AGAP1: variants seen among roughly 807,000 people sequenced by gnomAD.
AGAP1 encodes the protein ArfGAP with GTPase domain, ankyrin repeat and PH domain 1, also known as arf-GAP with GTPase, ANK repeat and PH domain-containing protein 1.
Under a neutral mutation model 105.3 loss-of-function variants are expected in AGAP1, and 29 were observed. That is an observed-to-expected ratio of 0.28 (90% CI 0.21 to 0.38). The LOEUF is 0.38. Among genes scored for constraint, AGAP1 ranks in the 10% least tolerant of loss-of-function variants. AGAP1 has a pLI of 1.00. For synonymous variants in AGAP1, 509 were observed against 485.9 expected, an observed-to-expected ratio of 1.05 and a Z score of -0.63; for missense variants, 998 against 1,165.1, an observed-to-expected ratio of 0.86 and a Z score of 2.09.
intron 8 of AGAP1, among the ~76,000 whole-genome samples, chr2:235,803,051 GGTGATGGTGGTGATA>G (rs1957640100): frequency 2.8e-4 from 1 of 3,588 alleles, no homozygotes; most frequent in African/African-American, 6.2e-4. Context: ...TGATGGTTGT[GGTGATGGTGGTGATA>G]GTTGTGATGG....
chr2:235,617,726 T>C (rs1400678058), intron 1 of AGAP1, among the ~76,000 whole-genome samples: 1 of 152,196 alleles, frequency 6.6e-6, no homozygotes, highest in Non-Finnish European at 1.5e-5. Context: ...ACATTTGTTT[T>C]TGAGTTATAA....
chr2:236,112,426 A>C (rs2059671459), intron 16 of AGAP1, among the ~76,000 whole-genome samples: 1 of 151,686 alleles, frequency 6.6e-6, no homozygotes, highest in East Asian at 1.9e-4. Flanking sequence ...GAAAAAAAAA[A>C]AGGAAAACGA....
chr2:235,994,354 A>G lies in AGAP1; in HGVS notation c.1645+25731A>G, dbSNP rs1194287181. Reference sequence around the variant, plus strand: ...TTCCCTGTCATTTTCGTGCTGTGCAATAGTTGATGAAGATAACATAGTTTA... The same window carrying G: ...TTCCCTGTCATTTTCGTGCTGTGCAGTAGTTGATGAAGATAACATAGTTTA... On this transcript the variant is annotated intron_variant, in intron 13 of 17. Transcript: ENST00000304032. This position sits in a 1 kb window ranked among gnomAD's most constrained non-coding sequence, Gnocchi z 4.4. Among the ~76,000 whole-genome samples the G allele has an allele frequency of 6.6e-6, 1 of 152,122 alleles. No individual in the cohort carries two copies. The highest frequency in any genetic ancestry group is 1.5e-5 in the Non-Finnish European group (1 of 68,030).
At chr2:235,617,182 T>C (rs7571980) in intron 1 of AGAP1, among the ~76,000 whole-genome samples, 120,123 of 152,088 alleles carry the variant, frequency 0.79, 48,065 homozygotes, top group African/African-American at 0.93. Flanking sequence ...AAAACAAACA[T>C]GTGTGAATAG....
At position 235,799,423 on chromosome 2, in the gene AGAP1, C is replaced by A. The variant is rs752124359; in HGVS notation, c.858C>A (p.Pro286=). ...SDYSSSVPST[P]STSQKELRID... ...ATTCCTCCTCCGTTCCATCGACTCC[C>A]AGCACCAGCCAGAAGGAACTTCGGA... Residue 286 remains proline (P), a synonymous_variant, in exon 8 of 18, where the codon CCC becomes CCA. Coordinates refer to ENST00000304032, the MANE Select transcript of AGAP1 (RefSeq NM_001037131.3). This position sits in a 1 kb window ranked among gnomAD's most constrained non-coding sequence, Gnocchi z 5.0. The A allele has an allele frequency of 6.2e-7, 1 of 1,614,172 alleles. No individual in the cohort carries two copies. Among genetic ancestry groups the A allele is most frequent in the Non-Finnish European group, 8.5e-7 (1 of 1,180,044 alleles).
chr2:235,961,237 T>C lies in AGAP1; in HGVS notation c.1484-7225T>C, dbSNP rs530889308. Among the ~76,000 whole-genome samples the C allele has an allele frequency of 3.8e-3, 585 of 152,312 alleles. 5 individuals carry two copies. The highest frequency in any genetic ancestry group is 4.7e-3 in the Non-Finnish European group (317 of 68,018). ...GGCCGGGAGGGGCTGGATGCGCCAGTGGCCAGCTTGGGGAAGGCCTCTCTT... is the reference window on the plus strand; with the variant it reads ...GGCCGGGAGGGGCTGGATGCGCCAGCGGCCAGCTTGGGGAAGGCCTCTCTT... On this transcript the variant is annotated intron_variant, in intron 12 of 17. Transcript: ENST00000304032. This position sits in a 1 kb window ranked among gnomAD's most constrained non-coding sequence, Gnocchi z 5.9.
Position 235,801,227 on chromosome 2 carries a change from G to A in AGAP1, c.957+1705G>A, listed in dbSNP as rs1196038529. 6.6e-6 allele frequency among the ~76,000 whole-genome samples: 1 copy of A among 152,078 alleles called. No homozygotes were observed. Among genetic ancestry groups the A allele is most frequent in the South Asian group, 2.1e-4 (1 of 4,812 alleles). ...TCCCATCCCGGCCTCCGCTGCTGAC[G>A]GATGTTTGACCTTAGGCAAATTACT... On this transcript the variant is annotated intron_variant, in intron 8 of 17. Coordinates refer to ENST00000304032, the MANE Select transcript of AGAP1 (RefSeq NM_001037131.3). This position sits in a 1 kb window ranked among gnomAD's most constrained non-coding sequence, Gnocchi z 6.0.
At chr2:236,091,285 G>C (rs2059053731) in intron 16 of AGAP1, among the ~76,000 whole-genome samples, 1 of 152,210 alleles carries the variant, frequency 6.6e-6, no homozygotes. Context: ...CTGACACAGG[G>C]TATTTCAAGT....
chr2:235,606,945 G>GGA, intron 1 of AGAP1, among the ~76,000 whole-genome samples: 1 of 61,944 alleles, frequency 1.6e-5, no homozygotes, highest in South Asian at 7.0e-4. Flanking sequence ...ACTGCCTCTT[G>GGA]AAAAAAAAAA....
intron 13 of AGAP1, among the ~76,000 whole-genome samples, chr2:236,018,778 T>C (rs1343766464): frequency 6.6e-6 from 1 of 152,192 alleles, no homozygotes; most frequent in Non-Finnish European, 1.5e-5. Flanking sequence ...AGCCCGTCTA[T>C]GAGGGCCCGT....
In AGAP1 at chr2:236,123,477, C is replaced by A. The variant is rs2059948702; in HGVS notation, c.2371-442C>A. 6.6e-6 allele frequency among the ~76,000 whole-genome samples: 1 copy of A among 152,134 alleles called. No homozygotes were observed. Among genetic ancestry groups the A allele is most frequent in the African/African-American group, 2.4e-5 (1 of 41,436 alleles). On this transcript the variant is annotated intron_variant, in intron 17 of 17. Transcript: ENST00000304032. The surrounding 1 kb of genome is among the most constrained non-coding windows in gnomAD (Gnocchi z 4.6). ...TATACATGTAGATTCAAAGAAAACT[C>A]ATTGAAAGGAAATACACTAATTCAC...
In AGAP1 at chr2:235,513,840, T is replaced by TATG. The variant is rs926498422; in HGVS notation, c.163+18995_163+18997dup. Among the ~76,000 whole-genome samples the TATG allele has an allele frequency of 7.5e-4, 114 of 152,312 alleles. 1 individual carries two copies. The highest frequency in any genetic ancestry group is 2.7e-3 in the African/African-American group (111 of 41,558). On this transcript the variant is annotated intron_variant, in intron 1 of 17. Transcript: ENST00000304032. ...AGAAGCATTGAAACTGGTTTGCCGT[T>TATG]ATGATGTCCATGAGGTTGGAGTCCT...
At position 235,560,693 on chromosome 2, in the gene AGAP1, A is replaced by G. The variant is rs529549168; in HGVS notation, c.163+65844A>G. ...CTAAAATTTCGGAAAAGATGAGGAA[A>G]CTTGGAGCCTCCTGAAGGGCATACA... On this transcript the variant is annotated intron_variant, in intron 1 of 17. Coordinates refer to ENST00000304032, the MANE Select transcript of AGAP1 (RefSeq NM_001037131.3). Among the ~76,000 whole-genome samples the G allele has an allele frequency of 2.6e-5, 4 of 152,304 alleles. No homozygotes were observed. In the South Asian group the frequency reaches 8.3e-4, roughly 32 times the overall value.
intron 1 of AGAP1, among the ~76,000 whole-genome samples, chr2:235,702,949 A>G (rs1449924631): frequency 9.4e-5 from 1 of 10,622 alleles, no homozygotes; most frequent in African/African-American, 3.6e-4. Context: ...TTTTTTTTGG[A>G]CAGAGTCTGG....
chr2:235,657,041 C>T (rs1947796237), intron 1 of AGAP1, among the ~76,000 whole-genome samples: 1 of 152,296 alleles, frequency 6.6e-6, no homozygotes, highest in Middle Eastern at 3.4e-3. Flanking sequence ...TAAGCTGACC[C>T]AGCTCTCATG....
Position 236,044,802 on chromosome 2 carries a change from G to A in AGAP1, c.1891+3961G>A, listed in dbSNP as rs1319754267. Among the ~76,000 whole-genome samples the A allele has an allele frequency of 1.3e-5, 2 of 151,764 alleles. No homozygotes were observed. Among genetic ancestry groups the A allele is most frequent in the African/African-American group, 4.8e-5 (2 of 41,280 alleles). ...ACACACACACACATCCCTACTCCCTGCTGTTCTGCCCTGGGGGCTTCCTGG... is the reference window on the plus strand; with the variant it reads ...ACACACACACACATCCCTACTCCCTACTGTTCTGCCCTGGGGGCTTCCTGG... On this transcript the variant is annotated intron_variant, in intron 15 of 17. Coordinates refer to ENST00000304032, the MANE Select transcript of AGAP1 (RefSeq NM_001037131.3). The surrounding 1 kb of genome is among the most constrained non-coding windows in gnomAD (Gnocchi z 5.7).
intron 14 of AGAP1, among the ~76,000 whole-genome samples, chr2:236,037,704 G>A (rs1466557428): frequency 6.6e-6 from 1 of 152,186 alleles, no homozygotes; most frequent in African/African-American, 2.4e-5. Flanking sequence ...TACCACGCCT[G>A]GCTTAACCTG....
rs562163352 is a variant in AGAP1 at position 235,716,329 on chromosome 2, T to G, written c.223-1228T>G. Among the ~76,000 whole-genome samples, 226 of 152,180 alleles carry G rather than the reference T, an allele frequency of 1.5e-3. 1 individual carries two copies. Among genetic ancestry groups the G allele is most frequent in the African/African-American group, 4.8e-3 (199 of 41,530 alleles). On this transcript the variant is annotated intron_variant, in intron 2 of 17. Transcript: ENST00000304032. The surrounding 1 kb of genome is among the most constrained non-coding windows in gnomAD (Gnocchi z 4.0). The stretch of plus-strand genomic sequence containing the variant: ...CCAGTGTGAGAGTTGGAAGAGAGTG[T>G]CTTAACAGCAGCTGCTGGTGATGGG...
At chr2:235,857,406 G>A (rs1364685985) in intron 9 of AGAP1, among the ~76,000 whole-genome samples, 7 of 152,112 alleles carry the variant, frequency 4.6e-5, no homozygotes, top group East Asian at 3.9e-4. Context: ...GTTGGGGGCC[G>A]CTGTCGTAGA....
Sources: gnomAD v4.1 joint callset for allele counts (sites outside exome capture counted in the v4.1 genomes callset) on GRCh38, gnomAD v4.1.1 for gene constraint, Gnocchi (gnomAD v3.1) non-coding constraint, MANE v1.5 for transcripts, NCBI Gene and HGNC (gene_info 2026-07-23, HGNC 2026-07-21) for gene names.